Variants in DOCK3 observed in about 807,000 individuals in gnomAD.
The protein encoded by DOCK3 is dedicator of cytokinesis 3, also known as dedicator of cytokinesis protein 3.
Under a neutral mutation model 265.6 loss-of-function variants are expected in DOCK3, and 60 were observed. That is an observed-to-expected ratio of 0.23 (90% CI 0.18 to 0.28). The LOEUF (loss-of-function observed/expected upper bound fraction) is 0.28, where lower values mean the gene tolerates loss of function less well. Among genes scored for constraint, DOCK3 ranks in the 10% least tolerant of loss-of-function variants. The pLI is 1.00. For synonymous variants in DOCK3, 881 were observed against 938.0 expected (o/e 0.94, Z 1.11); for missense variants, 1,981 against 2,594.3 (o/e 0.76, Z 5.14).
chr3:51,182,242 C>T (rs188090966), intron 12 of DOCK3, among the ~76,000 whole-genome samples: 4 of 152,210 alleles, frequency 2.6e-5, no homozygotes, highest in Admixed American at 2.0e-4. Context: ...TCTCTCTATC[C>T]CTCAGTTTTC....
chr3:51,248,593 G>A (rs1164904642), intron 22 of DOCK3, among the ~76,000 whole-genome samples: 1 of 152,106 alleles, frequency 6.6e-6, no homozygotes, highest in African/African-American at 2.4e-5. Context: ...TGCCGAGATT[G>A]CAGCCTCTGC....
intron 4 of DOCK3, among the ~76,000 whole-genome samples, chr3:50,917,970 T>C (rs969435676): frequency 1.3e-5 from 2 of 152,092 alleles, no homozygotes; most frequent in African/African-American, 2.4e-5. Context: ...CCAGGTGTTC[T>C]CATTGTTCAG....
chr3:50,989,206 C>A (rs1559905264), intron 5 of DOCK3, among the ~76,000 whole-genome samples: 1 of 152,118 alleles, frequency 6.6e-6, no homozygotes, highest in Non-Finnish European at 1.5e-5. Flanking sequence ...AATTGCTGAC[C>A]TGCATCTCTC....
intron 5 of DOCK3, among the ~76,000 whole-genome samples, chr3:50,965,605 G>A (rs969620044): frequency 1.3e-5 from 2 of 152,002 alleles, no homozygotes; most frequent in African/African-American, 2.4e-5. Context: ...ATCTATTTCT[G>A]TATATAATAA....
chr3:51,170,490 T>G (rs2086621858), intron 12 of DOCK3, among the ~76,000 whole-genome samples: 1 of 152,186 alleles, frequency 6.6e-6, no homozygotes, highest in Non-Finnish European at 1.5e-5. Context: ...TCTAGGAATT[T>G]ATCCATTTTC....
intron 9 of DOCK3, among the ~76,000 whole-genome samples, chr3:51,094,616 C>T (rs2082759929): frequency 6.6e-6 from 1 of 151,676 alleles, no homozygotes; most frequent in Non-Finnish European, 1.5e-5. Flanking sequence ...AAAATGAACT[C>T]CTGGATTCAT....
At chr3:51,097,991 A>G (rs1433774476) in intron 9 of DOCK3, among the ~76,000 whole-genome samples, 1 of 152,076 alleles carries the variant, frequency 6.6e-6, no homozygotes, top group Non-Finnish European at 1.5e-5. Flanking sequence ...TCAATTGGAA[A>G]TGCAGAAATC....
intron 5 of DOCK3, among the ~76,000 whole-genome samples, chr3:50,973,431 T>C (rs2077320703): frequency 6.9e-6 from 1 of 144,264 alleles, no homozygotes. Flanking sequence ...GAATGATGAT[T>C]TCCAGTTTCA....
chr3:51,304,232 C>T (rs551793368), intron 27 of DOCK3, among the ~76,000 whole-genome samples: 1 of 152,166 alleles, frequency 6.6e-6, no homozygotes, highest in East Asian at 1.9e-4. Flanking sequence ...GGATCCAAAC[C>T]GTCCAGTTTC....
chr3:50,719,200 T>G (rs2037318450), intron 1 of DOCK3, among the ~76,000 whole-genome samples: 1 of 152,170 alleles, frequency 6.6e-6, no homozygotes, highest in Non-Finnish European at 1.5e-5. Context: ...TTAGATCTTT[T>G]GATCAAGTTT....
intron 1 of DOCK3, among the ~76,000 whole-genome samples, chr3:50,727,623 G>A (rs745401888): frequency 1.9e-4 from 29 of 152,078 alleles, no homozygotes; most frequent in Non-Finnish European, 2.9e-4. Context: ...GCTTGAAACC[G>A]GGAGGCAGAG....
chr3:50,766,732 C>G (rs148121598), intron 1 of DOCK3, among the ~76,000 whole-genome samples: 14,358 of 152,210 alleles, frequency 0.094, 836 homozygotes, highest in Non-Finnish European at 0.12. Context: ...AGTTTACAGT[C>G]CCACCAACAG....
At chr3:51,211,137 T>A (rs2089475220) in intron 13 of DOCK3, among the ~76,000 whole-genome samples, 1 of 152,086 alleles carries the variant, frequency 6.6e-6, no homozygotes, top group African/African-American at 2.4e-5. Flanking sequence ...TTAATCCTCA[T>A]CCAGCATTTC....
intron 5 of DOCK3, among the ~76,000 whole-genome samples, chr3:51,011,271 C>T (rs2078939799): frequency 6.6e-6 from 1 of 152,004 alleles, no homozygotes; most frequent in Non-Finnish European, 1.5e-5. Context: ...CAGACGTGTA[C>T]CTGATTGGTC....
chr3:51,311,074 G>A (rs1212982265), intron 28 of DOCK3, among the ~76,000 whole-genome samples: 1 of 152,214 alleles, frequency 6.6e-6, no homozygotes, highest in East Asian at 1.9e-4. Context: ...AAGGATGATT[G>A]TAAACAAAGT....
At chr3:51,149,261 A>G (rs1311224335) in intron 10 of DOCK3, among the ~76,000 whole-genome samples, 1 of 152,116 alleles carries the variant, frequency 6.6e-6, no homozygotes, top group Non-Finnish European at 1.5e-5. Context: ...GGGTTTTCTA[A>G]ATATACAATC....
intron 5 of DOCK3, among the ~76,000 whole-genome samples, chr3:51,003,705 T>TA (rs1172061541): frequency 6.6e-6 from 1 of 152,212 alleles, no homozygotes; most frequent in Non-Finnish European, 1.5e-5. Context: ...TACAATCTCA[T>TA]AACATGTTTG....
chr3:50,706,586 G>T (rs2036428066), intron 1 of DOCK3, among the ~76,000 whole-genome samples: 1 of 152,118 alleles, frequency 6.6e-6, no homozygotes, highest in African/African-American at 2.4e-5. Context: ...TTATGGGATT[G>T]AATCTATATG....
chr3:51,239,509 C>G (rs1009531697), intron 21 of DOCK3, among the ~76,000 whole-genome samples: 10 of 150,162 alleles, frequency 6.7e-5, no homozygotes, highest in Admixed American at 6.6e-4. Context: ...GGCCTCATTT[C>G]TTTGTGCATT....
Sources: allele counts gnomAD v4.1 joint callset (sites outside exome capture counted in the v4.1 genomes callset), GRCh38; gene constraint gnomAD v4.1.1; transcripts MANE v1.5; gene names NCBI Gene and HGNC (gene_info 2026-07-23, HGNC 2026-07-21).